Variants in ITGA9 observed in about 807,000 individuals in gnomAD.
The protein encoded by ITGA9 is integrin subunit alpha 9.
ITGA9 carries 56 observed loss-of-function variants against 127.8 expected under a neutral mutation model. That is an observed-to-expected ratio of 0.44 (90% CI 0.35 to 0.55). ITGA9 has a LOEUF of 0.55. Among genes scored for constraint, ITGA9 ranks in the 20% least tolerant of loss-of-function variants. The pLI is 0.00. For missense variants in ITGA9, 1,196 were observed against 1,347.1 expected (o/e 0.89, Z 1.76); for synonymous variants, 508 against 514.5 (o/e 0.99, Z 0.17).
intron 23 of ITGA9, among the ~76,000 whole-genome samples, chr3:37,752,913 G>A (rs571294938): frequency 2.0e-5 from 3 of 152,314 alleles, no homozygotes; most frequent in East Asian, 3.9e-4. Flanking sequence ...CTTGGCTCGT[G>A]ATCTTCTTTC....
intron 26 of ITGA9, among the ~76,000 whole-genome samples, chr3:37,794,686 A>G (rs1697152429): frequency 6.6e-6 from 1 of 152,076 alleles, no homozygotes; most frequent in African/African-American, 2.4e-5. Context: ...CATAGTAAGT[A>G]CTCTACAAAT....
At chr3:37,789,847 A>C (rs1417112945) in intron 26 of ITGA9, 1 of 389,796 alleles carries the variant, frequency 2.6e-6, no homozygotes, top group Non-Finnish European at 4.7e-6. Flanking sequence ...ACATAATTTA[A>C]TATGCCAAAA....
intron 22 of ITGA9, chr3:37,749,388 CT>C (rs1204331573): frequency 1.3e-5 from 2 of 153,344 alleles, no homozygotes; most frequent in African/African-American, 4.8e-5. Context: ...TTAATTCCCC[CT>C]GGCCACATAA....
intron 15 of ITGA9, among the ~76,000 whole-genome samples, chr3:37,621,646 G>GA (rs1700129947): frequency 6.6e-6 from 1 of 152,178 alleles, no homozygotes; most frequent in Non-Finnish European, 1.5e-5. Context: ...CCTTTGAAGA[G>GA]AAAAAAGCAT....
chr3:37,602,084 G>A (rs1041225044), intron 15 of ITGA9, among the ~76,000 whole-genome samples: 8 of 152,216 alleles, frequency 5.3e-5, no homozygotes, highest in Admixed American at 3.3e-4. Context: ...CAATGGATCC[G>A]TCCCCATGAC....
chr3:37,574,406 G>A (rs1319416820), intron 15 of ITGA9, among the ~76,000 whole-genome samples: 2 of 152,082 alleles, frequency 1.3e-5, no homozygotes, highest in Admixed American at 6.5e-5. Flanking sequence ...GATCAAGTGT[G>A]GTGTAATAAA....
intron 23 of ITGA9, among the ~76,000 whole-genome samples, chr3:37,763,935 T>C (rs1696750166): frequency 6.6e-6 from 1 of 152,178 alleles, no homozygotes; most frequent in Non-Finnish European, 1.5e-5. Context: ...ACCCCTCTCA[T>C]GTAGGAAGAG....
At chr3:37,774,124 C>T (rs962005178) in intron 23 of ITGA9, among the ~76,000 whole-genome samples, 1 of 152,210 alleles carries the variant, frequency 6.6e-6, no homozygotes, top group Admixed American at 6.5e-5. Flanking sequence ...CGCCCACTTG[C>T]GTAGCACTGC....
chr3:37,769,508 G>A (rs576557494), intron 23 of ITGA9, among the ~76,000 whole-genome samples: 30 of 151,968 alleles, frequency 2.0e-4, no homozygotes, highest in African/African-American at 6.0e-4. Flanking sequence ...CTCCACCCAC[G>A]CCATGTGTAA....
intron 8 of ITGA9, among the ~76,000 whole-genome samples, chr3:37,510,746 G>A (rs1425183993): frequency 1.3e-5 from 2 of 152,102 alleles, no homozygotes; most frequent in African/African-American, 4.8e-5. Context: ...TGGCTTCGTA[G>A]CCATTTGACT....
intron 17 of ITGA9, among the ~76,000 whole-genome samples, chr3:37,665,907 A>G (rs1395917528): frequency 1.3e-5 from 2 of 152,166 alleles, no homozygotes; most frequent in Non-Finnish European, 2.9e-5. Context: ...AGTGTAAGGG[A>G]CAGTCACACT....
intron 18 of ITGA9, among the ~76,000 whole-genome samples, chr3:37,713,971 G>A (rs1412856358): frequency 6.6e-6 from 1 of 152,218 alleles, no homozygotes; most frequent in Non-Finnish European, 1.5e-5. Context: ...GCTGCATTGA[G>A]CCACAGCCCT....
intron 27 of ITGA9, chr3:37,818,250 C>CTT (rs1697464078): frequency 1.9e-5 from 2 of 107,030 alleles, no homozygotes; most frequent in South Asian, 3.6e-4. Flanking sequence ...GACCATGAAA[C>CTT]CTTTTTTTTT....
At chr3:37,779,608 T>A (rs577822915) in intron 24 of ITGA9, among the ~76,000 whole-genome samples, 12 of 147,214 alleles carry the variant, frequency 8.2e-5, no homozygotes, top group Admixed American at 6.8e-4. Context: ...TTTGTGGGTT[T>A]AAAAAAAAAA....
chr3:37,491,669 C>T (rs1043082529), intron 4 of ITGA9, among the ~76,000 whole-genome samples: 3 of 152,206 alleles, frequency 2.0e-5, no homozygotes, highest in African/African-American at 7.2e-5. Context: ...TCTCTCTGCG[C>T]CTACCTCACT....
At chr3:37,770,187 G>A (rs1408908990) in intron 23 of ITGA9, among the ~76,000 whole-genome samples, 1 of 152,194 alleles carries the variant, frequency 6.6e-6, no homozygotes, top group South Asian at 2.1e-4. Flanking sequence ...ACCCTTCTGA[G>A]AGCAGTACCC....
intron 27 of ITGA9, among the ~76,000 whole-genome samples, chr3:37,811,584 C>T (rs1056260447): frequency 9.9e-5 from 15 of 152,190 alleles, no homozygotes; most frequent in African/African-American, 3.6e-4. Context: ...TCCTCCCCTC[C>T]CCAGCTCTGT....
At chr3:37,565,321 A>G (rs1029234547) in intron 15 of ITGA9, among the ~76,000 whole-genome samples, 1 of 152,204 alleles carries the variant, frequency 6.6e-6, no homozygotes, top group Non-Finnish European at 1.5e-5. Flanking sequence ...GCAAGCACAC[A>G]TGCCTCCTAT....
chr3:37,639,897 C>T (rs1170964312), intron 16 of ITGA9, among the ~76,000 whole-genome samples: 1 of 152,156 alleles, frequency 6.6e-6, no homozygotes, highest in African/African-American at 2.4e-5. Context: ...CAATGCTGTC[C>T]TTGGACTGGT....
Sources: allele counts gnomAD v4.1 joint callset (sites outside exome capture counted in the v4.1 genomes callset), GRCh38; gene constraint gnomAD v4.1.1; transcripts MANE v1.5; gene names NCBI Gene and HGNC (gene_info 2026-07-23, HGNC 2026-07-21).